The following ASTN2 variants were observed in gnomAD, a reference collection of about 807,000 sequenced individuals.
The protein encoded by ASTN2 is astrotactin 2, also known as astrotactin-2.
A neutral mutation model predicts 139.8 loss-of-function variants in ASTN2; 54 were observed. The ratio of observed to expected loss-of-function variants is 0.39; its 90% CI spans 0.31 to 0.48. The LOEUF (loss-of-function observed/expected upper bound fraction) is 0.48, where lower values mean the gene tolerates loss of function less well. ASTN2 is among the 20% of genes least tolerant of loss of function. ASTN2 has a pLI of 0.95. For synonymous variants in ASTN2, 756 were observed against 719.5 expected (o/e 1.05, Z -0.81); for missense variants, 1,565 against 1,725.1 (o/e 0.91, Z 1.64).
At chr9:116,911,238 A>T (rs1331744932) in intron 10 of ASTN2, among the ~76,000 whole-genome samples, 1 of 152,186 alleles carries the variant, frequency 6.6e-6, no homozygotes, top group Non-Finnish European at 1.5e-5. Flanking sequence ...TTATTTAATC[A>T]TACTCACAGC....
intron 3 of ASTN2, among the ~76,000 whole-genome samples, chr9:117,209,425 G>A (rs1832046963): frequency 1.3e-5 from 2 of 151,976 alleles, no homozygotes; most frequent in South Asian, 2.1e-4. Context: ...AGACTAAACA[G>A]GCTTCAATTC....
At chr9:116,438,843 G>A (rs889550017) in intron 22 of ASTN2, among the ~76,000 whole-genome samples, 1 of 152,078 alleles carries the variant, frequency 6.6e-6, no homozygotes, top group Non-Finnish European at 1.5e-5. Flanking sequence ...CCAGCCACTT[G>A]GGAGGCTGAG....
chr9:116,985,715 T>G (rs1166521385), intron 7 of ASTN2, among the ~76,000 whole-genome samples: 1 of 152,196 alleles, frequency 6.6e-6, no homozygotes, highest in Non-Finnish European at 1.5e-5. Flanking sequence ...GAGCATGTAT[T>G]TCCAACAATC....
intron 1 of ASTN2, among the ~76,000 whole-genome samples, chr9:117,308,737 G>A (rs1012874240): frequency 6.6e-6 from 1 of 151,902 alleles, no homozygotes; most frequent in South Asian, 2.1e-4. Flanking sequence ...AGAGGGAGAG[G>A]ACAGCTTTAA....
chr9:117,186,492 A>G (rs1831202560), intron 3 of ASTN2, among the ~76,000 whole-genome samples: 1 of 152,158 alleles, frequency 6.6e-6, no homozygotes. Context: ...GCTTGCTGTG[A>G]GCCGAAATCA....
chr9:116,769,953 G>A (rs950641638), intron 13 of ASTN2, among the ~76,000 whole-genome samples: 1 of 151,994 alleles, frequency 6.6e-6, no homozygotes, highest in African/African-American at 2.4e-5. Flanking sequence ...GGCTGAAGAA[G>A]GAGTTTGAGT....
At chr9:117,071,513 C>T (rs1199174118) in intron 5 of ASTN2, among the ~76,000 whole-genome samples, 1 of 149,844 alleles carries the variant, frequency 6.7e-6, no homozygotes, top group Non-Finnish European at 1.5e-5. Context: ...GGCAGGCAGG[C>T]CTCCTTGAGC....
At chr9:117,128,230 T>G (rs1235296886) in intron 4 of ASTN2, among the ~76,000 whole-genome samples, 1 of 151,678 alleles carries the variant, frequency 6.6e-6, no homozygotes, top group Non-Finnish European at 1.5e-5. Flanking sequence ...AAAAAATAGC[T>G]GGGCATGCTG....
intron 3 of ASTN2, among the ~76,000 whole-genome samples, chr9:117,178,151 T>C (rs1472244818): frequency 2.0e-5 from 3 of 152,184 alleles, no homozygotes; most frequent in Non-Finnish European, 2.9e-5. Flanking sequence ...TCCCTTTCAT[T>C]CTTTATTCTC....
At chr9:116,936,341 C>A (rs1389765853) in intron 10 of ASTN2, among the ~76,000 whole-genome samples, 1 of 151,586 alleles carries the variant, frequency 6.6e-6, no homozygotes, top group African/African-American at 2.4e-5. Flanking sequence ...TATAACCACT[C>A]CCACCACTAC....
In ASTN2 at chr9:117,130,392, G is replaced by A. The variant is rs138577295; in HGVS notation, c.1168+10934C>T. Among the ~76,000 whole-genome samples the A allele has an allele frequency of 6.8e-3, 1,037 of 152,164 alleles. 11 individuals are homozygous for A. Among genetic ancestry groups the A allele is most frequent in the African/African-American group, 0.024 (978 of 41,518 alleles). On this transcript the variant is annotated intron_variant, in intron 4 of 22. Transcript: ENST00000313400. ...TTACTGTAATTTCTGATGCTTTGGG[G>A]TTTATTCCTATCACTTTATCTTTCA...
At chr9:117,090,650 A>C (rs1828683080) in intron 5 of ASTN2, among the ~76,000 whole-genome samples, 1 of 152,210 alleles carries the variant, frequency 6.6e-6, no homozygotes, top group Admixed American at 6.5e-5. Context: ...GGTAAGACCC[A>C]GCACCTTCCA....
At chr9:116,780,908 T>C (rs10733622) in intron 13 of ASTN2, among the ~76,000 whole-genome samples, 149,184 of 151,532 alleles carry the variant, frequency 0.98, 73,470 homozygotes, top group East Asian at 1. Flanking sequence ...GGCGCGATCT[T>C]GGCTCACTGC....
At chr9:117,331,600 T>C (rs561004533) in intron 1 of ASTN2, among the ~76,000 whole-genome samples, 4 of 152,268 alleles carry the variant, frequency 2.6e-5, no homozygotes, top group South Asian at 2.1e-4. Context: ...GGATAAAGAA[T>C]TGATAAATAA....
At chr9:117,103,228 T>A (rs556671051) in intron 4 of ASTN2, among the ~76,000 whole-genome samples, 1 of 152,184 alleles carries the variant, frequency 6.6e-6, no homozygotes, top group Non-Finnish European at 1.5e-5. Flanking sequence ...CAAAAATTAC[T>A]GATTTATTGG....
chr9:116,621,408 A>AACACAT (rs1856139976), intron 17 of ASTN2, among the ~76,000 whole-genome samples: 1 of 129,270 alleles, frequency 7.7e-6, no homozygotes, highest in Non-Finnish European at 1.6e-5. Context: ...GTCTTTTTAA[A>AACACAT]ACACATACAC....
intron 1 of ASTN2, among the ~76,000 whole-genome samples, chr9:117,317,322 A>G (rs1334569554): frequency 2.0e-5 from 3 of 152,158 alleles, no homozygotes. Context: ...CATAAGTCCC[A>G]GTGGTCATCT....
chr9:117,233,217 C>G (rs1202787697), intron 2 of ASTN2, among the ~76,000 whole-genome samples: 1 of 152,138 alleles, frequency 6.6e-6, no homozygotes, highest in Non-Finnish European at 1.5e-5. Context: ...GCCCTGCTTC[C>G]AATTCCCCCA....
At chr9:116,872,551 G>A (rs774143779) in intron 10 of ASTN2, among the ~76,000 whole-genome samples, 7 of 152,160 alleles carry the variant, frequency 4.6e-5, no homozygotes, top group Non-Finnish European at 8.8e-5. Context: ...CACAGGAATG[G>A]ATGTAACAGA....
Sources: allele counts gnomAD v4.1 joint callset (sites outside exome capture counted in the v4.1 genomes callset), GRCh38; gene constraint gnomAD v4.1.1; transcripts MANE v1.5; gene names NCBI Gene and HGNC (gene_info 2026-07-23, HGNC 2026-07-21).